The following ARHGAP21 variants were observed in gnomAD, a reference collection of about 807,000 sequenced individuals.
The protein encoded by ARHGAP21 is Rho GTPase activating protein 21.
In ARHGAP21, 38 loss-of-function variants were observed where a neutral mutation model predicts 164.6. The ratio of observed to expected loss-of-function variants is 0.23; its 90% confidence interval spans 0.18 to 0.30. The LOEUF is 0.30. Among genes scored for constraint, ARHGAP21 ranks in the 10% least tolerant of loss-of-function variants. The probability of loss-of-function intolerance (pLI) is 1.00; values close to 1 mark genes in which losing one functional copy is unlikely to be tolerated. For missense variants in ARHGAP21, 1,822 were observed against 2,370.7 expected, an observed-to-expected ratio of 0.77 and a Z score of 4.81; for synonymous variants, 766 against 857.9, an observed-to-expected ratio of 0.89 and a Z score of 1.87.
chr10:24,679,960 T>G (rs1274580868), intron 2 of ARHGAP21, among the ~76,000 whole-genome samples: 3 of 152,022 alleles, frequency 2.0e-5, no homozygotes, highest in Admixed American at 1.3e-4. Flanking sequence ...CAGGCCCCAG[T>G]GTGTGATGTT....
intron 2 of ARHGAP21, among the ~76,000 whole-genome samples, chr10:24,699,280 T>G (rs1369579912): frequency 6.6e-6 from 1 of 152,120 alleles, no homozygotes; most frequent in Non-Finnish European, 1.5e-5. Flanking sequence ...ATCCATATAA[T>G]TTTATTATTT....
chr10:24,689,838 A>G (rs1373515873), intron 2 of ARHGAP21, among the ~76,000 whole-genome samples: 5 of 145,040 alleles, frequency 3.4e-5, no homozygotes, highest in Non-Finnish European at 7.6e-5. Flanking sequence ...ATGTATGTGT[A>G]TATATATGTA....
rs1285183814 is a variant in ARHGAP21 at position 24,584,515 on chromosome 10, C to A, written c.5774G>T (p.Ser1925Ile). The A allele has an allele frequency of 6.2e-7, 1 of 1,613,812 alleles. No homozygotes were observed. Among genetic ancestry groups the A allele is most frequent in the East Asian group, 2.2e-5 (1 of 44,894 alleles). ...AGCATTTTTGCTCACGTTCTGGAAG[C>A]TTTCTCCGTTTATTTGGTCAGGTGA... is the stretch of plus-strand genomic sequence containing the variant. ...PQSPDQINGE[S>I]FQNVSKNASS... Residue 1925 changes from serine (S) to isoleucine (I), a missense_variant, in exon 26 of 26, where the codon AGC becomes ATC. Transcript: ENST00000396432.
At chr10:24,666,361 G>A (rs953207148) in intron 4 of ARHGAP21, among the ~76,000 whole-genome samples, 4 of 152,086 alleles carry the variant, frequency 2.6e-5, no homozygotes, top group African/African-American at 9.7e-5. Flanking sequence ...TTAACACTAG[G>A]GAAAGTAAAA....
At chr10:24,688,535 C>T (rs1842425540) in intron 2 of ARHGAP21, among the ~76,000 whole-genome samples, 1 of 152,110 alleles carries the variant, frequency 6.6e-6, no homozygotes, top group African/African-American at 2.4e-5. Context: ...CAGGACAGAC[C>T]AGTAAGAGAG....
intron 9 of ARHGAP21, among the ~76,000 whole-genome samples, chr10:24,615,552 C>T (rs1593034095): frequency 1.3e-5 from 2 of 152,244 alleles, no homozygotes; most frequent in African/African-American, 4.8e-5. Flanking sequence ...TAAATTTTTG[C>T]TCATTTTGAG....
Position 24,721,980 on chromosome 10 carries a change from G to C in ARHGAP21, c.-81C>G. On this transcript the variant is annotated 5_prime_UTR_variant, in exon 2 of 26. Transcript: ENST00000396432. ...CGGGGAATGCCACCACACACCCGAA[G>C]GGGAAGAATTCCACAAGCAGGCTCC... 1.4e-6 allele frequency: 2 copies of C among 1,455,228 alleles called. No homozygotes were observed. The highest frequency in any genetic ancestry group is 1.9e-6 in the Non-Finnish European group (2 of 1,045,322). The allele number at this position is 1,455,228 out of a possible 1,614,324, so 90.1% of individuals were successfully genotyped here.
At chr10:24,654,905 C>T (rs1163993765) in intron 4 of ARHGAP21, among the ~76,000 whole-genome samples, 1 of 152,230 alleles carries the variant, frequency 6.6e-6, no homozygotes, top group Non-Finnish European at 1.5e-5. Flanking sequence ...CAGCATGGTA[C>T]TGGTACCAAA....
At chr10:24,602,134 G>GTCAGC in intron 12 of ARHGAP21, 31 bp from the exon 13 acceptor site, 1 of 1,587,978 alleles carries the variant, frequency 6.3e-7, no homozygotes, top group South Asian at 1.2e-5. Context: ...ACAGTAAAAT[G>GTCAGC]TCAGCATTTT....
At position 24,593,454 on chromosome 10, in the gene ARHGAP21, C is replaced by CT. The variant is rs1235002194; in HGVS notation, c.3877-1443dup. Among the ~76,000 whole-genome samples, 3 of 152,166 alleles carry CT rather than the reference C, an allele frequency of 2.0e-5. No individual in the cohort carries two copies. In the East Asian group the frequency reaches 5.8e-4, roughly 29 times the overall value. On this transcript the variant is annotated intron_variant, in intron 21 of 25. Transcript: ENST00000396432. ...CTTGACTATGATTTATGTTTTTAGA[C>CT]TAATGATAACAAACATTAATATTTA...
chr10:24,674,052 T>A (rs566811238), intron 2 of ARHGAP21, among the ~76,000 whole-genome samples: 42 of 152,236 alleles, frequency 2.8e-4, no homozygotes, highest in East Asian at 5.8e-4. Context: ...GAATTTTTTT[T>A]AAAAAGATAA....
chr10:24,592,117 GCTTTGATGTAGATTAAAAAAAT>G, intron 21 of ARHGAP21, 105 bp from the exon 22 acceptor site: 1 of 971,558 alleles, frequency 1.0e-6, no homozygotes, highest in Non-Finnish European at 1.4e-6. Flanking sequence ...CAGAAAAATA[GCTTTGATGTAGATTAAAAAAAT>G]AATGCTTTCT....
intron 2 of ARHGAP21, among the ~76,000 whole-genome samples, chr10:24,687,102 G>T (rs1173204738): frequency 8.3e-6 from 1 of 120,262 alleles, no homozygotes; most frequent in Non-Finnish European, 1.7e-5. Context: ...TGTAGTCCAA[G>T]CTACTCAGGA....
chr10:24,667,765 T>C (rs945399882), intron 3 of ARHGAP21, among the ~76,000 whole-genome samples: 6 of 152,102 alleles, frequency 3.9e-5, no homozygotes, highest in Admixed American at 2.0e-4. Context: ...GTTTTTTTTT[T>C]TTCTTCTTCT....
chr10:24,586,193 A>T, intron 25 of ARHGAP21, 87 bp from the exon 26 acceptor site: 1 of 1,399,858 alleles, frequency 7.1e-7, no homozygotes, highest in Non-Finnish European at 9.4e-7. Flanking sequence ...AATATTTCTT[A>T]TCAAATTATA....
At chr10:24,717,667 C>T (rs1186442665) in intron 2 of ARHGAP21, among the ~76,000 whole-genome samples, 1 of 152,100 alleles carries the variant, frequency 6.6e-6, no homozygotes, top group Non-Finnish European at 1.5e-5. Flanking sequence ...GAGACAGAAG[C>T]GCGGACCAAA....
At chr10:24,710,864 G>A (rs1427941054) in intron 2 of ARHGAP21, among the ~76,000 whole-genome samples, 3 of 152,122 alleles carry the variant, frequency 2.0e-5, no homozygotes, top group Non-Finnish European at 4.4e-5. Flanking sequence ...GGGAGGCCAA[G>A]GCGGGTGGAT....
intron 7 of ARHGAP21, among the ~76,000 whole-genome samples, chr10:24,628,858 T>C (rs1284752122): frequency 1.2e-4 from 15 of 130,166 alleles, no homozygotes; most frequent in Admixed American, 4.1e-4. Flanking sequence ...TACATATATA[T>C]ACACATATAT....
chr10:24,635,588 C>A (rs1836298427), intron 4 of ARHGAP21, among the ~76,000 whole-genome samples: 1 of 152,022 alleles, frequency 6.6e-6, no homozygotes, highest in Non-Finnish European at 1.5e-5. Flanking sequence ...ACTCTGTCAC[C>A]CAGGCTGGAG....
Sources: allele counts gnomAD v4.1 joint callset (sites outside exome capture counted in the v4.1 genomes callset), GRCh38; gene constraint gnomAD v4.1.1; transcripts MANE v1.5; gene names NCBI Gene and HGNC (gene_info 2026-07-23, HGNC 2026-07-21).